Variants in SLC14A1 observed in about 807,000 individuals in gnomAD.
The protein encoded by SLC14A1 is urea transporter 1.
SLC14A1 carries 36 observed loss-of-function variants against 39.6 expected under a neutral mutation model. The observed-to-expected ratio is 0.91, with a 90% CI of 0.70 to 1.20. The LOEUF (loss-of-function observed/expected upper bound fraction) is 1.20, where lower values mean the gene tolerates loss of function less well. SLC14A1 is among the 50% of genes most tolerant of loss of function. SLC14A1 has a pLI of 0.00. For synonymous variants in SLC14A1, 164 were observed against 173.6 expected (o/e 0.94, Z 0.43); for missense variants, 469 against 478.7 (o/e 0.98, Z 0.19).
At chr18:45,747,727 T>C (rs1198996594) in intron 8 of SLC14A1, among the ~76,000 whole-genome samples, 1 of 152,090 alleles carries the variant, frequency 6.6e-6, no homozygotes. Context: ...AAAAGACGTT[T>C]ATTCATTGAT....
chr18:45,739,013 A>G (rs1056632774), intron 6 of SLC14A1, 150 bp from the exon 7 acceptor site: 4 of 877,722 alleles, frequency 4.6e-6, no homozygotes, highest in South Asian at 1.4e-5. Context: ...TCTGTAATCA[A>G]AGAGAGAGAA....
chr18:45,741,703 T>C (rs2047382173), intron 8 of SLC14A1, among the ~76,000 whole-genome samples: 1 of 152,232 alleles, frequency 6.6e-6, no homozygotes, highest in South Asian at 2.1e-4. Flanking sequence ...TTCACAAGGA[T>C]AAAGGAGAGG....
At position 45,750,912 on chromosome 18, in the gene SLC14A1, A is replaced by G; in HGVS notation, c.*961A>G. The G allele has an allele frequency of 1.2e-5, 12 of 985,164 alleles. No homozygotes were observed. Among genetic ancestry groups the G allele is most frequent in the Non-Finnish European group, 1.4e-5 (12 of 829,716 alleles). The allele number at this position is 985,164 out of a possible 1,614,324, so 61.0% of individuals were successfully genotyped here. A position where few individuals can be genotyped will look rare whatever the true frequency, so the allele number is the denominator to read the frequency against. ...ATTCATTTGAGGATGTCTTATAAAG[A>G]CTGAAGGCAAAGGTCAGATTGCTTA... On this transcript the variant is annotated 3_prime_UTR_variant, in exon 10 of 10. Coordinates refer to ENST00000321925, the MANE Select transcript of SLC14A1 (RefSeq NM_015865.7).
intron 8 of SLC14A1, among the ~76,000 whole-genome samples, chr18:45,744,650 T>A (rs1436784194): frequency 6.6e-6 from 1 of 152,148 alleles, no homozygotes; most frequent in Non-Finnish European, 1.5e-5. Flanking sequence ...CTTTTTTTTC[T>A]ATGCTAGTAG....
intron 6 of SLC14A1, 152 bp from the exon 7 acceptor site, chr18:45,739,011 C>G (rs537438726): frequency 2.3e-6 from 2 of 869,498 alleles, no homozygotes; most frequent in Admixed American, 1.9e-5. Context: ...TTTCTGTAAT[C>G]AAAGAGAGAG....
chr18:45,741,039 T>C (rs2047360034), intron 8 of SLC14A1: 1 of 152,308 alleles, frequency 6.6e-6, no homozygotes, highest in African/African-American at 2.4e-5. Context: ...GGCTAAGGGA[T>C]GTGCCGCAGG....
At chr18:45,737,474 T>C (rs1273681259) in intron 6 of SLC14A1, 1 of 152,264 alleles carries the variant, frequency 6.6e-6, no homozygotes, top group Non-Finnish European at 1.5e-5. Context: ...ACCTTTTTAA[T>C]GTGCTCTCCC....
rs2144802213 is a variant in SLC14A1 at position 45,739,251 on chromosome 18, TCTC to T, written c.757_759del (p.Ser253del). The T allele has an allele frequency of 6.2e-7, 1 of 1,614,092 alleles. No individual in the cohort carries two copies. Among genetic ancestry groups the T allele is most frequent in the East Asian group, 2.2e-5 (1 of 44,866 alleles). On this transcript the variant is annotated inframe_deletion, in exon 7 of 10. Transcript: ENST00000321925. ...GGCATTTTCCTGGGAGCCATCCTACTCTCCTCCCCACTCATGTGCCTGCATGCT... is the reference window on the plus strand; with the variant it reads ...GGCATTTTCCTGGGAGCCATCCTACTCTCCCCACTCATGTGCCTGCATGCT...
intron 8 of SLC14A1, among the ~76,000 whole-genome samples, chr18:45,743,235 T>C (rs1315961794): frequency 1.3e-5 from 2 of 152,226 alleles, no homozygotes; most frequent in Non-Finnish European, 2.9e-5. Context: ...ATTGGGTCCA[T>C]TCAATAGTCT....
In SLC14A1 at chr18:45,752,051, T is replaced by C. The variant is rs1599342106; in HGVS notation, c.*2100T>C. 1 of 985,286 alleles carries C rather than the reference T, an allele frequency of 1.0e-6. No individual in the cohort carries two copies. The highest frequency in any genetic ancestry group is 1.7e-5 in the African/African-American group (1 of 57,222). The allele number at this position is 985,286 out of a possible 1,614,324, so 61.0% of individuals were successfully genotyped here. A position where few individuals can be genotyped will look rare whatever the true frequency, so the allele number is the denominator to read the frequency against. ...TCAGGAAACCAAGCAAGCAAACATA[T>C]CGTTCCAATTTTAAAACCCAGTGAC... On this transcript the variant is annotated 3_prime_UTR_variant, in exon 10 of 10. Transcript: ENST00000321925.
Position 45,751,576 on chromosome 18 carries a change from A to G in SLC14A1, c.*1625A>G. ...AAGGATCTCTTGAGCCCAGGAGTTC[A>G]AGACCAGCTTGGGCAACATAGCAAG... On this transcript the variant is annotated 3_prime_UTR_variant, in exon 10 of 10. Transcript: ENST00000321925. 5.4e-6 allele frequency: 5 copies of G among 920,610 alleles called. No individual in the cohort carries two copies. Among genetic ancestry groups the G allele is most frequent in the Non-Finnish European group, 6.5e-6 (5 of 771,170 alleles). 57.0% of individuals were successfully genotyped at this position (920,610 alleles called of 1,614,324 possible).
At chr18:45,735,171 T>C (rs1017517240) in intron 5 of SLC14A1, among the ~76,000 whole-genome samples, 3 of 152,370 alleles carry the variant, frequency 2.0e-5, no homozygotes, top group Non-Finnish European at 2.9e-5. Context: ...TGGGAGTTTC[T>C]AAAGCTTCCC....
At position 45,735,297 on chromosome 18, in the gene SLC14A1, C is replaced by T. The variant is rs145346643; in HGVS notation, c.470+895C>T. ...TGTTACACCACAGGCATCTGCTCCC[C>T]GGCCCCAGGGTTTCTGATGCAGTCT... is the stretch of plus-strand genomic sequence containing the variant. On this transcript the variant is annotated intron_variant, in intron 5 of 9. Coordinates refer to ENST00000321925, the MANE Select transcript of SLC14A1 (RefSeq NM_015865.7). 3.9e-5 allele frequency among the ~76,000 whole-genome samples: 6 copies of T among 152,326 alleles called. No homozygotes were observed. In the East Asian group the frequency reaches 5.8e-4, roughly 15 times the overall value.
At position 45,751,126 on chromosome 18, in the gene SLC14A1, AC is replaced by A; in HGVS notation, c.*1178del. 1.4e-6 allele frequency: 1 copy of A among 719,454 alleles called. No homozygotes were observed. The allele number at this position is 719,454 out of a possible 1,614,324, so 44.6% of individuals were successfully genotyped here. A position where few individuals can be genotyped will look rare whatever the true frequency, so the allele number is the denominator to read the frequency against. Reference sequence around the variant, plus strand: ...GAGCCCAGGCGGGCAGATTGCTTGAACCCAGGAGTTCAAGACCAGCCTGGGC... The same window carrying A: ...GAGCCCAGGCGGGCAGATTGCTTGAACCAGGAGTTCAAGACCAGCCTGGGC... On this transcript the variant is annotated 3_prime_UTR_variant, in exon 10 of 10. Coordinates refer to ENST00000321925, the MANE Select transcript of SLC14A1 (RefSeq NM_015865.7).
chr18:45,726,158 C>T (rs2046857217), intron 2 of SLC14A1, among the ~76,000 whole-genome samples: 1 of 152,188 alleles, frequency 6.6e-6, no homozygotes, highest in African/African-American at 2.4e-5. Context: ...AACTAGCCAG[C>T]TAGTTTACTA....
At chr18:45,749,690 G>A (rs2047655727) in intron 9 of SLC14A1, 88 bp from the exon 10 acceptor site, 1 of 1,487,970 alleles carries the variant, frequency 6.7e-7, no homozygotes, top group Non-Finnish European at 9.4e-7. Flanking sequence ...ATCCCCCTGG[G>A]CTGAATGCAA....
intron 2 of SLC14A1, chr18:45,726,903 C>T (rs904023958): frequency 1.0e-5 from 2 of 195,890 alleles, no homozygotes; most frequent in Admixed American, 5.5e-5. Flanking sequence ...AGAACATGAA[C>T]CCCCTCCTCC....
In SLC14A1 at chr18:45,727,494, C is replaced by T. The variant is rs1209131066; in HGVS notation, c.-22+2481C>T. 6 of 1,454,424 alleles carry T rather than the reference C, an allele frequency of 4.1e-6. No homozygotes were observed. In the East Asian group the frequency reaches 1.2e-4, roughly 30 times the overall value. The allele number at this position is 1,454,424 out of a possible 1,614,324, so 90.1% of individuals were successfully genotyped here. A position where few individuals can be genotyped will look rare whatever the true frequency, so the allele number is the denominator to read the frequency against. On this transcript the variant is annotated intron_variant, in intron 2 of 9. Coordinates refer to ENST00000321925, the MANE Select transcript of SLC14A1 (RefSeq NM_015865.7). ...CAAACTCTGGTGTATCTTTTCCGGG[C>T]AGAGCCTGGGAAGTGGGGGTTGGCT...
At chr18:45,743,648 G>A (rs1356728371) in intron 8 of SLC14A1, among the ~76,000 whole-genome samples, 2 of 152,192 alleles carry the variant, frequency 1.3e-5, no homozygotes, top group Non-Finnish European at 2.9e-5. Flanking sequence ...GTTAATGCAT[G>A]TCTGAAACTC....
Sources: gnomAD v4.1 joint callset for allele counts (sites outside exome capture counted in the v4.1 genomes callset) on GRCh38, gnomAD v4.1.1 for gene constraint, MANE v1.5 for transcripts, NCBI Gene and HGNC (gene_info 2026-07-23, HGNC 2026-07-21) for gene names.